NRG3: variants seen among roughly 807,000 people sequenced by gnomAD.
NRG3 encodes pro-neuregulin-3, membrane-bound isoform.
NRG3 carries 31 observed loss-of-function variants against 66.9 expected under a neutral mutation model. The ratio of observed to expected loss-of-function variants is 0.46; its 90% CI spans 0.35 to 0.63. NRG3 has a LOEUF of 0.63. Ranked by LOEUF, NRG3 falls within the 20% of genes least tolerant of loss-of-function variation. NRG3 has a pLI of 0.00. For synonymous variants in NRG3, 393 were observed against 359.4 expected, an observed-to-expected ratio of 1.09 and a Z score of -1.06; for missense variants, 910 against 878.9, an observed-to-expected ratio of 1.04 and a Z score of -0.45.
chr10:82,045,987 G>A (rs1259314137), intron 1 of NRG3, among the ~76,000 whole-genome samples: 2 of 150,242 alleles, frequency 1.3e-5, no homozygotes, highest in East Asian at 2.0e-4. Context: ...AGTATAGTTT[G>A]AAGTCAGGTA....
intron 5 of NRG3, among the ~76,000 whole-genome samples, chr10:82,952,994 T>C (rs968566992): frequency 6.6e-6 from 1 of 152,010 alleles, no homozygotes; most frequent in Admixed American, 6.5e-5. Context: ...CATGGTACAT[T>C]TGTCACAATT....
At chr10:82,735,245 T>G (rs933755459) in intron 2 of NRG3, among the ~76,000 whole-genome samples, 1 of 152,204 alleles carries the variant, frequency 6.6e-6, no homozygotes, top group Non-Finnish European at 1.5e-5. Flanking sequence ...ACACAATGTT[T>G]ATCAACTTTG....
intron 2 of NRG3, among the ~76,000 whole-genome samples, chr10:82,541,528 A>G (rs140293303): frequency 0.042 from 6,327 of 152,182 alleles, 139 homozygotes; most frequent in Non-Finnish European, 0.053. Context: ...TGGGGGCTGC[A>G]TGCACTGGTA....
intron 2 of NRG3, among the ~76,000 whole-genome samples, chr10:82,499,148 C>G (rs1843908411): frequency 6.6e-6 from 1 of 152,124 alleles, no homozygotes; most frequent in Admixed American, 6.5e-5. Flanking sequence ...CTGAATTCAG[C>G]TGGAAAAAGA....
chr10:82,469,492 G>A (rs543346781), intron 2 of NRG3, among the ~76,000 whole-genome samples: 3 of 152,174 alleles, frequency 2.0e-5, no homozygotes, highest in South Asian at 2.1e-4. Flanking sequence ...TCATGGTGGC[G>A]TGGTGTTGGG....
chr10:81,876,175 CTG>C lies in NRG3; in HGVS notation c.823+16_823+17del, dbSNP rs1299918552. The C allele has an allele frequency of 7.7e-6, 12 of 1,563,194 alleles. No homozygotes were observed. The African/African-American group carries it at 9.5e-5, about 12-fold the overall frequency. On this transcript the variant is annotated intron_variant, in intron 1 of 8. Transcript: ENST00000372141. ...CAGCCCCAAATTTCGTAAGTAAACA[CTG>C]TGTCTCAACTATGATTTACTACTGA...
chr10:81,905,636 T>G (rs1844530573), intron 1 of NRG3, among the ~76,000 whole-genome samples: 1 of 152,240 alleles, frequency 6.6e-6, no homozygotes, highest in African/African-American at 2.4e-5. Context: ...TCATAATTTT[T>G]GGTTCCTTCT....
At chr10:82,863,524 G>A (rs535472749) in intron 3 of NRG3, among the ~76,000 whole-genome samples, 13 of 152,228 alleles carry the variant, frequency 8.5e-5, no homozygotes, top group Non-Finnish European at 1.2e-4. Flanking sequence ...AGCATCTGTC[G>A]TTTCTTGACT....
At chr10:82,738,866 C>A (rs2058284353) in intron 3 of NRG3, among the ~76,000 whole-genome samples, 1 of 152,134 alleles carries the variant, frequency 6.6e-6, no homozygotes, top group Non-Finnish European at 1.5e-5. Context: ...CGGATTCCAC[C>A]TTGAACCCCT....
chr10:82,154,296 C>A (rs1359723407), intron 1 of NRG3, among the ~76,000 whole-genome samples: 3 of 151,866 alleles, frequency 2.0e-5, no homozygotes, highest in Non-Finnish European at 2.9e-5. Flanking sequence ...ATATGGATAT[C>A]CAGTTTTGTC....
intron 2 of NRG3, among the ~76,000 whole-genome samples, chr10:82,522,805 A>T (rs1266705402): frequency 2.6e-5 from 4 of 152,190 alleles, no homozygotes; most frequent in Admixed American, 6.5e-5. Context: ...ACAATTTAGC[A>T]ATTTGAAATG....
At chr10:82,272,133 A>G (rs1439461629) in intron 1 of NRG3, among the ~76,000 whole-genome samples, 1 of 152,068 alleles carries the variant, frequency 6.6e-6, no homozygotes, top group Non-Finnish European at 1.5e-5. Context: ...AGAGATGACC[A>G]TGGTAGGGTT....
intron 3 of NRG3, among the ~76,000 whole-genome samples, chr10:82,853,053 C>A (rs2063639410): frequency 6.6e-6 from 1 of 152,098 alleles, no homozygotes; most frequent in African/African-American, 2.4e-5. Flanking sequence ...TAGGGTAAGG[C>A]AGGATTTTAC....
chr10:82,631,392 G>A (rs1017009997), intron 2 of NRG3, among the ~76,000 whole-genome samples: 1 of 152,060 alleles, frequency 6.6e-6, no homozygotes, highest in African/African-American at 2.4e-5. Context: ...CATGCCCATC[G>A]TCTCTATATT....
intron 4 of NRG3, among the ~76,000 whole-genome samples, chr10:82,927,580 G>A (rs183040035): frequency 9.9e-5 from 15 of 152,212 alleles, no homozygotes; most frequent in African/African-American, 3.4e-4. Context: ...ACTTATGAGT[G>A]AGAGCATGTG....
At chr10:82,597,319 A>T (rs879482070) in intron 2 of NRG3, among the ~76,000 whole-genome samples, 1 of 152,200 alleles carries the variant, frequency 6.6e-6, no homozygotes, top group Non-Finnish European at 1.5e-5. Context: ...ATTTCCAAGG[A>T]TGTATTAGAA....
At chr10:82,432,495 TAA>T (rs532419949) in intron 2 of NRG3, among the ~76,000 whole-genome samples, 19,454 of 117,878 alleles carry the variant, frequency 0.17, 1,551 homozygotes, top group East Asian at 0.37. Flanking sequence ...GTATTTCTTC[TAA>T]AAAAAAAAAA....
chr10:82,677,819 T>C (rs1242432964), intron 2 of NRG3, among the ~76,000 whole-genome samples: 1 of 152,174 alleles, frequency 6.6e-6, no homozygotes, highest in Non-Finnish European at 1.5e-5. Flanking sequence ...AGTGGGCAAC[T>C]TGAGAGTCAA....
intron 1 of NRG3, among the ~76,000 whole-genome samples, chr10:81,968,953 G>A (rs1367015364): frequency 6.6e-6 from 1 of 152,136 alleles, no homozygotes; most frequent in Non-Finnish European, 1.5e-5. Context: ...GAGTGCAGAG[G>A]GGCCAGATTA....
Sources: gnomAD v4.1 joint callset for allele counts (sites outside exome capture counted in the v4.1 genomes callset) on GRCh38, gnomAD v4.1.1 for gene constraint, MANE v1.5 for transcripts, NCBI Gene and HGNC (gene_info 2026-07-23, HGNC 2026-07-21) for gene names.